The following ALCAM variants were observed in gnomAD, a reference collection of about 807,000 sequenced individuals.
The protein encoded by ALCAM is CD166 antigen.
Under a neutral mutation model 70.9 loss-of-function variants are expected in ALCAM, and 30 were observed. That is an observed-to-expected ratio of 0.42 (90% CI 0.32 to 0.57). The LOEUF is 0.57. Ranked by LOEUF, ALCAM falls within the 20% of genes least tolerant of loss-of-function variation. ALCAM has a pLI of 0.11. For synonymous variants in ALCAM, 249 were observed against 242.5 expected (o/e 1.03, Z -0.25); for missense variants, 591 against 695.1 (o/e 0.85, Z 1.68).
At chr3:105,544,229 C>G (rs1940188586) in intron 8 of ALCAM, among the ~76,000 whole-genome samples, 1 of 151,578 alleles carries the variant, frequency 6.6e-6, no homozygotes, top group Non-Finnish European at 1.5e-5. Context: ...CAATTACTCA[C>G]CATTACAAAA....
chr3:105,461,928 G>A (rs1040309299), intron 1 of ALCAM, among the ~76,000 whole-genome samples: 2 of 151,562 alleles, frequency 1.3e-5, no homozygotes, highest in African/African-American at 4.8e-5. Context: ...GTCAGCTCCA[G>A]CTTTTTTACA....
At chr3:105,424,640 T>C (rs1267867122) in intron 1 of ALCAM, among the ~76,000 whole-genome samples, 2 of 151,622 alleles carry the variant, frequency 1.3e-5, no homozygotes, top group Non-Finnish European at 3.0e-5. Context: ...ATTGATTATA[T>C]TTAGGTATGT....
intron 4 of ALCAM, 91 bp from the exon 5 acceptor site, chr3:105,533,512 G>A: frequency 2.9e-6 from 3 of 1,048,558 alleles, no homozygotes; most frequent in Non-Finnish European, 4.4e-6. Flanking sequence ...GAAACCCTTG[G>A]AATAACTCTG....
At chr3:105,480,405 G>A (rs1938238921) in intron 1 of ALCAM, among the ~76,000 whole-genome samples, 1 of 152,054 alleles carries the variant, frequency 6.6e-6, no homozygotes, top group South Asian at 2.1e-4. Flanking sequence ...GCTCTAGCTG[G>A]TGTTTTTTAA....
intron 1 of ALCAM, among the ~76,000 whole-genome samples, chr3:105,410,401 A>T (rs985636084): frequency 6.6e-6 from 1 of 152,088 alleles, no homozygotes; most frequent in African/African-American, 2.4e-5. Context: ...AAGGTGAAGT[A>T]AGTCAGAAGA....
chr3:105,485,290 T>C (rs1433599406), intron 1 of ALCAM, among the ~76,000 whole-genome samples: 2 of 152,028 alleles, frequency 1.3e-5, no homozygotes, highest in African/African-American at 4.8e-5. Context: ...AGCATTGATA[T>C]ACATTTGGAA....
chr3:105,509,879 T>C (rs748794385), intron 1 of ALCAM, among the ~76,000 whole-genome samples: 34 of 152,134 alleles, frequency 2.2e-4, no homozygotes, highest in Non-Finnish European at 3.5e-4. Flanking sequence ...CTTTAATCAA[T>C]GTTAAACTCA....
intron 1 of ALCAM, among the ~76,000 whole-genome samples, chr3:105,514,962 A>G (rs186608341): frequency 2.0e-5 from 3 of 152,060 alleles, no homozygotes; most frequent in Admixed American, 6.6e-5. Context: ...CCTTCTTTCT[A>G]TTTCACAAAA....
At chr3:105,461,489 T>C (rs1308186588) in intron 1 of ALCAM, among the ~76,000 whole-genome samples, 1 of 151,812 alleles carries the variant, frequency 6.6e-6, no homozygotes, top group Non-Finnish European at 1.5e-5. Context: ...GGAAGTCAAA[T>C]TAAATAAAAT....
intron 1 of ALCAM, among the ~76,000 whole-genome samples, chr3:105,386,077 C>G (rs1935646847): frequency 6.6e-6 from 1 of 151,554 alleles, no homozygotes; most frequent in Non-Finnish European, 1.5e-5. Context: ...TGAAATAAGA[C>G]TTGGGCAGTG....
chr3:105,456,714 A>G (rs1319401042), intron 1 of ALCAM, among the ~76,000 whole-genome samples: 1 of 152,168 alleles, frequency 6.6e-6, no homozygotes, highest in Non-Finnish European at 1.5e-5. Context: ...CCAAAATGGC[A>G]TGATTAAAGC....
chr3:105,537,044 CAGA>C (rs1450431729), intron 6 of ALCAM, among the ~76,000 whole-genome samples: 4 of 151,920 alleles, frequency 2.6e-5, no homozygotes, highest in African/African-American at 7.2e-5. Context: ...CTTCAGAGAA[CAGA>C]AGAAGAGTGC....
At chr3:105,418,808 T>A (rs1209149968) in intron 1 of ALCAM, among the ~76,000 whole-genome samples, 1 of 151,678 alleles carries the variant, frequency 6.6e-6, no homozygotes, top group Non-Finnish European at 1.5e-5. Context: ...TCTAGAGTTT[T>A]CCAGATATTC....
intron 1 of ALCAM, among the ~76,000 whole-genome samples, chr3:105,427,970 G>C (rs1415464731): frequency 2.0e-5 from 3 of 151,610 alleles, no homozygotes; most frequent in African/African-American, 4.8e-5. Flanking sequence ...GCTGGATTGA[G>C]GTAATATATA....
chr3:105,568,506 A>G (rs958310389), intron 14 of ALCAM, among the ~76,000 whole-genome samples: 1 of 152,156 alleles, frequency 6.6e-6, no homozygotes, highest in African/African-American at 2.4e-5. Context: ...CTGTGTGGGT[A>G]GTACCTAAAA....
At position 105,550,169 on chromosome 3, in the gene ALCAM, A is replaced by G. The variant is rs757342593; in HGVS notation, c.1417A>G (p.Ile473Val). The change falls in exon 12 of 16, where the codon ATT becomes GTT. Residue 473 changes from isoleucine to valine, a missense_variant. Coordinates refer to ENST00000306107, the MANE Select transcript of ALCAM (RefSeq NM_001627.4). The stretch of plus-strand genomic sequence containing the variant: ...TATTAATGGCAGGTATTATAGTAAA[A>G]TTATCATTTCCCCTGAAGAGAATGT... ...PYINGRYYSK[I>V]IISPEENVTL... 9 of 1,601,448 alleles carry G rather than the reference A, an allele frequency of 5.6e-6. No individual in the cohort carries two copies. Among genetic ancestry groups the G allele is most frequent in the Non-Finnish European group, 7.7e-6 (9 of 1,169,978 alleles).
At chr3:105,451,351 TAAG>T (rs1937423969) in intron 1 of ALCAM, among the ~76,000 whole-genome samples, 1 of 149,018 alleles carries the variant, frequency 6.7e-6, no homozygotes, top group Admixed American at 6.7e-5. Flanking sequence ...GATGAAGAGA[TAAG>T]AAAAAAAGAA....
chr3:105,550,408 T>G, intron 12 of ALCAM, 149 bp downstream of exon 12: 1 of 822,596 alleles, frequency 1.2e-6, no homozygotes, highest in Non-Finnish European at 1.8e-6. Context: ...ATAAGGTTAT[T>G]TTTTCTTTTT....
intron 1 of ALCAM, among the ~76,000 whole-genome samples, chr3:105,374,796 G>T (rs573889917): frequency 6.6e-6 from 1 of 152,274 alleles, no homozygotes; most frequent in Admixed American, 6.5e-5. Flanking sequence ...GGGATTACAG[G>T]CATGAGCCAC....
Sources: allele counts gnomAD v4.1 joint callset (sites outside exome capture counted in the v4.1 genomes callset), GRCh38; gene constraint gnomAD v4.1.1; transcripts MANE v1.5; gene names NCBI Gene and HGNC (gene_info 2026-07-23, HGNC 2026-07-21).